HEPH: variants seen among roughly 807,000 people sequenced by gnomAD.
HEPH encodes the protein hephaestin.
In HEPH, 69 loss-of-function variants were observed where a neutral mutation model predicts 80.8. That is an observed-to-expected ratio of 0.85 (90% CI 0.70 to 1.04). HEPH has a LOEUF of 1.04. Ranked by LOEUF, HEPH falls within the 50% of genes least tolerant of loss-of-function variation. The probability of loss-of-function intolerance (pLI) is 0.00; values close to 1 mark genes in which losing one functional copy is unlikely to be tolerated. For synonymous variants in HEPH, 431 were observed against 322.8 expected, an observed-to-expected ratio of 1.34 and a Z score of -3.60; for missense variants, 1,115 against 891.3, an observed-to-expected ratio of 1.25 and a Z score of -3.20.
chrX:66,208,342 G>T, intron 15 of HEPH, 96 bp downstream of exon 15: 1 of 852,247 alleles, frequency 1.2e-6, no homozygotes. Context: ...ACTTCAGACT[G>T]GAGTGATAGC....
At chrX:66,211,493 A>G (rs894025246) in intron 15 of HEPH, among the ~76,000 whole-genome samples, 1 of 110,157 alleles carries the variant, frequency 9.1e-6, no homozygotes, top group Non-Finnish European at 1.9e-5. Context: ...TTTCTTTCAC[A>G]CTCACCACCC....
chrX:66,163,066 G>A (rs1314681393), upstream of HEPH, among the ~76,000 whole-genome samples: 2 of 111,484 alleles, frequency 1.8e-5, no homozygotes, highest in African/African-American at 6.5e-5. Flanking sequence ...TTAATATCTA[G>A]ACTATACTTT....
chrX:66,236,093 C>CT (rs1240681491), intron 15 of HEPH, among the ~76,000 whole-genome samples: 1 of 111,582 alleles, frequency 9.0e-6, no homozygotes, highest in South Asian at 3.8e-4. Flanking sequence ...TTCATATTCC[C>CT]TTTTTTTATT....
intron 15 of HEPH, among the ~76,000 whole-genome samples, chrX:66,248,423 A>G (rs981926553): frequency 8.9e-6 from 1 of 111,746 alleles, no homozygotes; most frequent in South Asian, 3.7e-4. Context: ...TACCAGATCA[A>G]CTGTCACAGT....
In HEPH at chrX:66,256,330, G is replaced by A. The variant is rs2091180869; in HGVS notation, c.2896G>A (p.Ala966Thr). The A allele has an allele frequency of 1.7e-6, 2 of 1,183,477 alleles. No homozygotes were observed. Residue 966 changes from alanine (A) to threonine (T), a missense_variant and splice_region_variant, in exon 17 of 21, where the codon GCA becomes ACA. Ala to Thr is a moderately conservative substitution (Grantham distance 58). This residue lies in a region of HEPH where 716 missense variants were observed against 523.5 expected (regional missense o/e 1.37). Transcript: ENST00000343002. ...TTTCTTGGAGAGCAATAAAATGCAT[G>A]GTCAGTAGTAAAAAACCTACTCTTG... is the stretch of plus-strand genomic sequence containing the variant. Reference protein sequence around the residue: ...ETFLESNKMHAINGKLYANLR... With the variant: ...ETFLESNKMHTINGKLYANLR...
chrX:66,259,043 G>GA (rs1364455310), intron 18 of HEPH, 64 bp downstream of exon 18: 48 of 1,089,911 alleles, frequency 4.4e-5, no homozygotes, highest in Non-Finnish European at 5.6e-5. Flanking sequence ...CAGCAATTGA[G>GA]AAAAAAGGTA....
At chrX:66,256,381 A>C (rs777125671) in intron 17 of HEPH, 51 bp downstream of exon 17, 1 of 916,833 alleles carries the variant, frequency 1.1e-6, no homozygotes, top group East Asian at 3.1e-5. Context: ...TACTGGTTAC[A>C]TGGGGATATT....
At chrX:66,223,386 A>T (rs990136983) in intron 15 of HEPH, among the ~76,000 whole-genome samples, 2 of 111,677 alleles carry the variant, frequency 1.8e-5, no homozygotes, top group Non-Finnish European at 3.8e-5. Flanking sequence ...ACACCATTTT[A>T]TATTTAATAA....
chrX:66,193,497 A>G lies in HEPH; in HGVS notation c.1233-5A>G, dbSNP rs1333561247. 1 of 1,162,273 alleles carries G rather than the reference A, an allele frequency of 8.6e-7. No individual in the cohort carries two copies. On this transcript the variant is annotated splice_region_variant and splice_polypyrimidine_tract_variant and intron_variant, in intron 7 of 20. Coordinates refer to ENST00000343002, the MANE Select transcript of HEPH (RefSeq NM_001367233.3). The stretch of plus-strand genomic sequence containing the variant: ...TAATATCATATTTTCCTTTTTATAC[A>G]TCAGTATCTCAGATAAGTTTTTCCA...
chrX:66,260,114 C>G lies in HEPH; in HGVS notation c.3051C>G (p.Tyr1017Ter), dbSNP rs1474958520. The G allele has an allele frequency of 8.3e-7, 1 of 1,208,299 alleles. No homozygotes were observed. Among genetic ancestry groups the G allele is most frequent in the East Asian group, 3.0e-5 (1 of 33,754 alleles). ...ESFLYRNGEN[Y>*]RADVVDLFPG... Reference sequence around the variant, plus strand: ...CTCTCTTGCAGAATGGCGAGAACTACCGGGCAGATGTGGTGGATCTGTTCC... The same window carrying G: ...CTCTCTTGCAGAATGGCGAGAACTAGCGGGCAGATGTGGTGGATCTGTTCC... Residue 1017 changes from tyrosine to a stop codon, truncating the protein, a stop_gained, in exon 19 of 21, where the codon TAC becomes TAG. Transcript: ENST00000343002. LOFTEE classifies it high-confidence loss of function.
chrX:66,194,679 G>A (rs2087991662), intron 8 of HEPH, among the ~76,000 whole-genome samples: 1 of 111,669 alleles, frequency 9.0e-6, no homozygotes, highest in Non-Finnish European at 1.9e-5. Flanking sequence ...AAGACATGTA[G>A]CTATGGGATC....
chrX:66,197,622 T>G, intron 9 of HEPH, 61 bp from the exon 10 acceptor site: 2 of 982,463 alleles, frequency 2.0e-6, no homozygotes, highest in East Asian at 6.1e-5. Flanking sequence ...ATTTCACTGT[T>G]TGGAGCTGAT....
intron 4 of HEPH, among the ~76,000 whole-genome samples, chrX:66,177,173 T>G (rs1036005971): frequency 4.5e-5 from 5 of 111,134 alleles, no homozygotes; most frequent in Admixed American, 1.9e-4. Context: ...GAACAGATGG[T>G]CTGTAGTTTT....
intron 8 of HEPH, among the ~76,000 whole-genome samples, chrX:66,194,041 G>C (rs2087952520): frequency 9.0e-6 from 1 of 111,469 alleles, no homozygotes; most frequent in Non-Finnish European, 1.9e-5. Context: ...GTAGCAGATT[G>C]GCATGACATG....
At chrX:66,206,117 C>T (rs2088758397) in intron 13 of HEPH, among the ~76,000 whole-genome samples, 1 of 110,450 alleles carries the variant, frequency 9.1e-6, no homozygotes, top group Admixed American at 9.7e-5. Flanking sequence ...TGTAAGATTT[C>T]ATTCCCTCCC....
intron 4 of HEPH, among the ~76,000 whole-genome samples, chrX:66,174,127 T>A (rs1360235844): frequency 9.1e-6 from 1 of 110,279 alleles, no homozygotes; most frequent in African/African-American, 3.3e-5. Flanking sequence ...CACTATACAC[T>A]ACACCCTGTT....
At chrX:66,176,148 G>A (rs1319693354) in intron 4 of HEPH, among the ~76,000 whole-genome samples, 1 of 111,640 alleles carries the variant, frequency 9.0e-6, no homozygotes, top group Non-Finnish European at 1.9e-5. Context: ...GTTGGCTGTG[G>A]GTTTGTCATA....
At position 66,208,125 on chromosome X, in the gene HEPH, C is replaced by T; in HGVS notation, c.2442C>T (p.Ile814=). ...TTTTGTTTACATTAGGTCCACTTAT[C>T]AAAGGTGAAGTTGGTGATATCCTGA... is the stretch of plus-strand genomic sequence containing the variant. ...EEHLGILGPL[I]KGEVGDILTV... Residue 814 remains isoleucine (I), a synonymous_variant, in exon 15 of 21, where the codon ATC becomes ATT. Transcript: ENST00000343002. The T allele has an allele frequency of 8.4e-7, 1 of 1,192,188 alleles. No individual in the cohort carries two copies. Among genetic ancestry groups the T allele is most frequent in the Non-Finnish European group, 1.1e-6 (1 of 881,991 alleles).
At chrX:66,209,793 A>G (rs2089012530) in intron 15 of HEPH, among the ~76,000 whole-genome samples, 1 of 112,004 alleles carries the variant, frequency 8.9e-6, no homozygotes. Context: ...GATAGGGAAC[A>G]TAAGAGAAAG....
Sources: gnomAD v4.1 joint callset for allele counts (sites outside exome capture counted in the v4.1 genomes callset) on GRCh38, gnomAD v4.1.1 for gene constraint, gnomAD v4.1.1 regional missense constraint, MANE v1.5 for transcripts, NCBI Gene and HGNC (gene_info 2026-07-23, HGNC 2026-07-21) for gene names.